The following TENM2 variants were observed in gnomAD, a reference collection of about 807,000 sequenced individuals.
TENM2 encodes teneurin transmembrane protein 2.
TENM2 carries 52 observed loss-of-function variants against 245.2 expected under a neutral mutation model. The observed-to-expected ratio is 0.21, with a 90% CI of 0.17 to 0.27. TENM2 has a LOEUF of 0.27. Among genes scored for constraint, TENM2 ranks in the 10% least tolerant of loss-of-function variants. TENM2 has a pLI of 1.00. For missense variants in TENM2, 3,046 were observed against 3,666.8 expected, an observed-to-expected ratio of 0.83 and a Z score of 4.37; for synonymous variants, 1,363 against 1,438.9, an observed-to-expected ratio of 0.95 and a Z score of 1.19.
At chr5:167,900,044 C>T (rs189305606) in intron 3 of TENM2, among the ~76,000 whole-genome samples, 8 of 144,094 alleles carry the variant, frequency 5.6e-5, no homozygotes, top group African/African-American at 7.6e-5. Context: ...AAATTCATTT[C>T]ACACCTGAAA....
chr5:167,627,560 TTC>T (rs989828300), intron 2 of TENM2, among the ~76,000 whole-genome samples: 1 of 82,896 alleles, frequency 1.2e-5, no homozygotes, highest in Non-Finnish European at 2.7e-5. Flanking sequence ...TTGACTCTAC[TTC>T]TTTTTTTTTT....
chr5:168,225,625 G>A (rs749115327), intron 23 of TENM2, among the ~76,000 whole-genome samples: 63 of 152,214 alleles, frequency 4.1e-4, no homozygotes, highest in Non-Finnish European at 7.1e-4. Flanking sequence ...GCCAGGCATC[G>A]TGGTGCATGC....
chr5:167,737,580 G>A (rs1468058029), intron 2 of TENM2, among the ~76,000 whole-genome samples: 1 of 152,170 alleles, frequency 6.6e-6, no homozygotes, highest in African/African-American at 2.4e-5. Flanking sequence ...GTCCTTTGGG[G>A]TATGCAGCCC....
At chr5:167,543,555 T>G (rs1772355564) in intron 2 of TENM2, among the ~76,000 whole-genome samples, 1 of 152,180 alleles carries the variant, frequency 6.6e-6, no homozygotes, top group South Asian at 2.1e-4. Flanking sequence ...TTTTCTCTTC[T>G]TTGCAAAAAC....
chr5:167,872,514 AAG>A (rs148536795), intron 2 of TENM2, among the ~76,000 whole-genome samples: 785 of 56,300 alleles, frequency 0.014, 8 homozygotes, highest in Middle Eastern at 0.038. Context: ...GAAAGAAAGA[AAG>A]AAAGAAAGAA....
chr5:168,058,609 T>C (rs1354757364), intron 6 of TENM2, among the ~76,000 whole-genome samples: 1 of 152,178 alleles, frequency 6.6e-6, no homozygotes, highest in Non-Finnish European at 1.5e-5. Flanking sequence ...AGTTTTAAGC[T>C]TGTCCCCATA....
chr5:167,074,128 G>A, the TENM2 span, among the ~76,000 whole-genome samples: 3 of 152,156 alleles, frequency 2.0e-5, no homozygotes, highest in African/African-American at 7.2e-5. Context: ...TTAATTTGAA[G>A]TCGGGACATC....
intron 4 of TENM2, among the ~76,000 whole-genome samples, chr5:167,985,225 C>T (rs1489099893): frequency 6.6e-6 from 1 of 152,186 alleles, no homozygotes; most frequent in Non-Finnish European, 1.5e-5. Context: ...GTGTTTCTGC[C>T]TCTATCCTTC....
the TENM2 span, among the ~76,000 whole-genome samples, chr5:167,034,172 C>T: frequency 6.6e-6 from 1 of 152,150 alleles, no homozygotes; most frequent in Non-Finnish European, 1.5e-5. Context: ...GTATAATGCT[C>T]TATATCAGAG....
the TENM2 span, among the ~76,000 whole-genome samples, chr5:167,190,069 A>G: frequency 6.6e-6 from 1 of 152,038 alleles, no homozygotes; most frequent in Admixed American, 6.6e-5. Context: ...CTGTATTTGC[A>G]TGATGGGATG....
At chr5:167,861,300 A>T (rs559689344) in intron 2 of TENM2, among the ~76,000 whole-genome samples, 1 of 152,172 alleles carries the variant, frequency 6.6e-6, no homozygotes, top group South Asian at 2.1e-4. Flanking sequence ...TTCCTAGTGC[A>T]CGATAATGTT....
intron 2 of TENM2, among the ~76,000 whole-genome samples, chr5:167,484,449 C>T (rs1453311652): frequency 1.3e-5 from 2 of 152,006 alleles, no homozygotes; most frequent in Admixed American, 1.3e-4. Context: ...AGAAGATGTC[C>T]ATATATGAAT....
intron 2 of TENM2, among the ~76,000 whole-genome samples, chr5:167,757,576 G>A (rs1465483403): frequency 2.6e-5 from 4 of 152,154 alleles, no homozygotes; most frequent in Non-Finnish European, 5.9e-5. Context: ...CTTTATAGCA[G>A]AATGATTTAT....
At chr5:167,462,191 C>CCA in intron 2 of TENM2, among the ~76,000 whole-genome samples, 1 of 137,072 alleles carries the variant, frequency 7.3e-6, no homozygotes, top group Admixed American at 7.2e-5. Flanking sequence ...ACCCCCCCCC[C>CCA]CCATTGCAGG....
At chr5:168,170,944 G>A (rs1758762891) in intron 13 of TENM2, among the ~76,000 whole-genome samples, 1 of 152,100 alleles carries the variant, frequency 6.6e-6, no homozygotes. Context: ...CCCCTGCCTT[G>A]TCTCTGACCT....
chr5:168,112,616 G>GGGGGCCCCCCCCCCCCC, intron 9 of TENM2, among the ~76,000 whole-genome samples: 1 of 102,360 alleles, frequency 9.8e-6, no homozygotes, highest in African/African-American at 3.8e-5. Context: ...CGGGGGGGGG[G>GGGGGCCCCCCCCCCCCC]TCAAACTTTA....
At chr5:167,234,476 A>G in the TENM2 span, among the ~76,000 whole-genome samples, 1 of 152,204 alleles carries the variant, frequency 6.6e-6, no homozygotes, top group Non-Finnish European at 1.5e-5. Context: ...ACTCTGCTGT[A>G]TACAGACAAA....
rs557021675 is a variant in TENM2, at chr5:167,701,738, G to A, written c.503-174248G>A. ...CTAGTTAGTGGAACTCTAAATTGTA[G>A]TTGTTATTACTGTATTGTATTATTC... On this transcript the variant is annotated intron_variant, in intron 2 of 28. Transcript: ENST00000518659. Among the ~76,000 whole-genome samples the A allele has an allele frequency of 2.0e-5, 3 of 152,282 alleles. No individual in the cohort carries two copies. The South Asian group carries it at 6.2e-4, about 32-fold the overall frequency.
intron 2 of TENM2, among the ~76,000 whole-genome samples, chr5:167,774,141 A>G (rs1409086782): frequency 4.3e-5 from 6 of 139,132 alleles, no homozygotes; most frequent in African/African-American, 1.6e-4. Flanking sequence ...CTCAATAATA[A>G]AAGGGAGGGA....
Sources: allele counts gnomAD v4.1 joint callset (sites outside exome capture counted in the v4.1 genomes callset), GRCh38; gene constraint gnomAD v4.1.1; transcripts MANE v1.5; gene names NCBI Gene and HGNC (gene_info 2026-07-23, HGNC 2026-07-21).